Variants in DENND1A observed in about 807,000 individuals in gnomAD.
DENND1A encodes the protein DENN domain-containing protein 1A.
A neutral mutation model predicts 113.7 loss-of-function variants in DENND1A; 51 were observed. The ratio of observed to expected loss-of-function variants is 0.45; its 90% CI spans 0.36 to 0.57. The LOEUF (loss-of-function observed/expected upper bound fraction) is 0.57, where lower values mean the gene tolerates loss of function less well. Among genes scored for constraint, DENND1A ranks in the 20% least tolerant of loss-of-function variants. DENND1A has a pLI of 0.00. For synonymous variants in DENND1A, 565 were observed against 570.8 expected (o/e 0.99, Z 0.14); for missense variants, 1,258 against 1,395.9 (o/e 0.90, Z 1.57).
At chr9:123,429,556 A>C (rs2045984236) in intron 19 of DENND1A, among the ~76,000 whole-genome samples, 2 of 152,166 alleles carry the variant, frequency 1.3e-5, no homozygotes, top group Admixed American at 1.3e-4. Context: ...CTCTGTCTCA[A>C]AAAAACAAAC....
At chr9:123,913,242 C>G (rs1854406944) in intron 1 of DENND1A, among the ~76,000 whole-genome samples, 1 of 151,942 alleles carries the variant, frequency 6.6e-6, no homozygotes, top group African/African-American at 2.4e-5. Context: ...TGCGAGAACC[C>G]ACAGTTTACT....
chr9:123,623,967 C>T lies in DENND1A; in HGVS notation c.719+6409G>A, dbSNP rs186423830. ...GGCCTACACTGTTGTCCTGAAAACT[C>T]CTAGCAGCATGTACCTGAAGAAAAA... On this transcript the variant is annotated intron_variant, in intron 10 of 23. Coordinates refer to ENST00000394215, the MANE Select transcript of DENND1A (RefSeq NM_001352964.2). 1.2e-3 allele frequency among the ~76,000 whole-genome samples: 181 copies of T among 152,288 alleles called. 1 individual carries two copies. Among genetic ancestry groups the T allele is most frequent in the African/African-American group, 3.9e-3 (161 of 41,562 alleles).
intron 1 of DENND1A, chr9:123,928,690 G>A (rs756010539): frequency 9.9e-5 from 98 of 985,266 alleles, no homozygotes; most frequent in Non-Finnish European, 1.1e-4. Context: ...TAACCACACG[G>A]GGGACTGCAA....
chr9:123,743,162 T>C (rs2069163416), intron 5 of DENND1A, among the ~76,000 whole-genome samples: 1 of 152,044 alleles, frequency 6.6e-6, no homozygotes, highest in Non-Finnish European at 1.5e-5. Context: ...CCCAGCACTT[T>C]GGGAGGTTGA....
intron 8 of DENND1A, among the ~76,000 whole-genome samples, chr9:123,655,905 C>T (rs1443611493): frequency 6.6e-6 from 1 of 152,240 alleles, no homozygotes; most frequent in Non-Finnish European, 1.5e-5. Flanking sequence ...TATTTAACTC[C>T]TACTATGTGC....
chr9:123,564,379 C>T (rs1231581465), intron 12 of DENND1A, among the ~76,000 whole-genome samples: 1 of 152,218 alleles, frequency 6.6e-6, no homozygotes, highest in African/African-American at 2.4e-5. Context: ...AGCTCTTCTC[C>T]ACTGCTCTGG....
chr9:123,636,573 TC>T (rs2061713667), intron 9 of DENND1A, among the ~76,000 whole-genome samples: 2 of 151,214 alleles, frequency 1.3e-5, no homozygotes, highest in Non-Finnish European at 2.9e-5. Flanking sequence ...CTCCTCGGCC[TC>T]CCAAATATTC....
chr9:123,832,523 A>T (rs949288090), intron 2 of DENND1A, among the ~76,000 whole-genome samples: 5 of 152,198 alleles, frequency 3.3e-5, no homozygotes, highest in African/African-American at 9.7e-5. Flanking sequence ...GTACATACCA[A>T]ACAAAAGTGG....
At chr9:123,783,908 G>A (rs917356131) in intron 3 of DENND1A, among the ~76,000 whole-genome samples, 11 of 152,154 alleles carry the variant, frequency 7.2e-5, no homozygotes, top group African/African-American at 7.2e-5. Context: ...CAAGCAAGAC[G>A]ACATAGGCGT....
chr9:123,516,576 A>G (rs1019065122), intron 13 of DENND1A, among the ~76,000 whole-genome samples: 5 of 152,138 alleles, frequency 3.3e-5, no homozygotes, highest in African/African-American at 1.2e-4. Flanking sequence ...GTGGCCATCT[A>G]TGGAATGTTA....
chr9:123,781,482 G>A (rs919626526), intron 3 of DENND1A, among the ~76,000 whole-genome samples: 5 of 152,068 alleles, frequency 3.3e-5, no homozygotes, highest in Non-Finnish European at 7.4e-5. Context: ...TCTACATTCT[G>A]GGATGTAGAT....
At chr9:123,836,296 T>C (rs1841035018) in intron 2 of DENND1A, among the ~76,000 whole-genome samples, 1 of 152,176 alleles carries the variant, frequency 6.6e-6, no homozygotes, top group African/African-American at 2.4e-5. Flanking sequence ...GAAAGGCTAA[T>C]GGGCAATAAT....
chr9:123,521,103 G>A (rs891307337), intron 13 of DENND1A, among the ~76,000 whole-genome samples: 1 of 152,144 alleles, frequency 6.6e-6, no homozygotes, highest in African/African-American at 2.4e-5. Context: ...TCCTCACGCC[G>A]AGACACATTA....
intron 11 of DENND1A, among the ~76,000 whole-genome samples, chr9:123,607,443 G>A (rs1485009326): frequency 1.1e-4 from 16 of 143,784 alleles, no homozygotes; most frequent in African/African-American, 3.1e-4. Context: ...ACAGTGGAAG[G>A]GGAGTGGAGT....
At position 123,698,400 on chromosome 9, in the gene DENND1A, G is replaced by A. The variant is rs75133674; in HGVS notation, c.303-21611C>T. Among the ~76,000 whole-genome samples the A allele has an allele frequency of 3.8e-4, 58 of 152,296 alleles. No homozygotes were observed. The East Asian group carries it at 0.01, about 27-fold the overall frequency. ...TCAAGGCTATACCACAAGTGTAGTA[G>A]TACTGCCCCCTTAGTGACATCCAAA... On this transcript the variant is annotated intron_variant, in intron 5 of 23. Coordinates refer to ENST00000394215, the MANE Select transcript of DENND1A (RefSeq NM_001352964.2).
intron 12 of DENND1A, among the ~76,000 whole-genome samples, chr9:123,564,767 T>C (rs1193944902): frequency 6.6e-6 from 1 of 152,216 alleles, no homozygotes; most frequent in Non-Finnish European, 1.5e-5. Flanking sequence ...AATAGCCATA[T>C]GTGAATAGTG....
chr9:123,896,836 A>G (rs1850831815), intron 1 of DENND1A, among the ~76,000 whole-genome samples: 1 of 152,200 alleles, frequency 6.6e-6, no homozygotes, highest in African/African-American at 2.4e-5. Context: ...CAGAAAATAG[A>G]AAACAAAAGC....
chr9:123,620,209 A>G lies in DENND1A; in HGVS notation c.719+10167T>C, dbSNP rs536748483. 3.6e-3 allele frequency among the ~76,000 whole-genome samples: 431 copies of G among 120,168 alleles called. 3 individuals are homozygous for G. The highest frequency in any genetic ancestry group is 0.012 in the African/African-American group (402 of 33,396). 78.8% of individuals were successfully genotyped at this position (120,168 alleles called of 152,430 possible). Reference sequence around the variant, plus strand: ...AGCCTGGGTGAGAGAGTAAGACTCCATCTCAAAAAAAAAAAAAAAAAAAAA... The same window carrying G: ...AGCCTGGGTGAGAGAGTAAGACTCCGTCTCAAAAAAAAAAAAAAAAAAAAA... On this transcript the variant is annotated intron_variant, in intron 10 of 23. Transcript: ENST00000394215.
intron 2 of DENND1A, among the ~76,000 whole-genome samples, chr9:123,827,222 C>T (rs765338669): frequency 7.9e-5 from 12 of 151,964 alleles, no homozygotes; most frequent in Non-Finnish European, 1.3e-4. Flanking sequence ...TCCTATTTGG[C>T]CTCTTTTCTC....
Sources: allele counts gnomAD v4.1 joint callset (sites outside exome capture counted in the v4.1 genomes callset), GRCh38; gene constraint gnomAD v4.1.1; transcripts MANE v1.5; gene names NCBI Gene and HGNC (gene_info 2026-07-23, HGNC 2026-07-21).